The following NSMAF variants were observed in gnomAD, a reference collection of about 807,000 sequenced individuals.
The protein encoded by NSMAF is neutral sphingomyelinase activation associated factor.
Under a neutral mutation model 134.9 loss-of-function variants are expected in NSMAF, and 90 were observed. The observed-to-expected ratio is 0.67, with a 90% CI of 0.56 to 0.79. The LOEUF (loss-of-function observed/expected upper bound fraction) is 0.79. Ranked by LOEUF, NSMAF falls within the 30% of genes least tolerant of loss-of-function variation. The probability of loss-of-function intolerance (pLI) is 0.00; values close to 1 mark genes in which losing one functional copy is unlikely to be tolerated. For synonymous variants in NSMAF, 358 were observed against 389.6 expected, an observed-to-expected ratio of 0.92 and a Z score of 0.96; for missense variants, 1,010 against 1,119.0, an observed-to-expected ratio of 0.90 and a Z score of 1.39.
intron 16 of NSMAF, chr8:58,600,236 G>T (rs1254192583): frequency 3.6e-6 from 2 of 557,902 alleles, no homozygotes; most frequent in Non-Finnish European, 6.3e-6. Context: ...CACATGGCGG[G>T]AGTGGGCATA....
intron 18 of NSMAF, 115 bp downstream of exon 18, chr8:58,599,635 C>A: frequency 8.2e-7 from 1 of 1,212,604 alleles, no homozygotes; most frequent in South Asian, 1.5e-5. Context: ...CTCATATATC[C>A]TTATTTAGAG....
intron 7 of NSMAF, 28 bp from the exon 8 acceptor site, chr8:58,623,452 T>C (rs758154497): frequency 1.2e-6 from 2 of 1,604,628 alleles, no homozygotes. Flanking sequence ...GACATGAATT[T>C]ATTTTTTCTC....
Position 58,599,885 on chromosome 8 carries a change from G to A in NSMAF, c.1333-15C>T, listed in dbSNP as rs773637730. ...TCTGGAATTAACTGAAAGTTTCGGGGAAAAATAAAAAAGAACAACAAACAT... is the reference window on the plus strand; with the variant it reads ...TCTGGAATTAACTGAAAGTTTCGGGAAAAAATAAAAAAGAACAACAAACAT... On this transcript the variant is annotated splice_polypyrimidine_tract_variant and intron_variant, in intron 17 of 30. Transcript: ENST00000038176. The A allele has an allele frequency of 8.7e-6, 14 of 1,611,382 alleles. No homozygotes were observed. The South Asian group carries it at 1.5e-4, about 18-fold the overall frequency.
chr8:58,632,930 C>T (rs755259139), intron 5 of NSMAF, among the ~76,000 whole-genome samples: 2 of 152,204 alleles, frequency 1.3e-5, no homozygotes, highest in African/African-American at 2.4e-5. Context: ...ACCAATCCGT[C>T]AGCACATCTG....
In NSMAF at chr8:58,603,275, C is replaced by T. The variant is rs534981528; in HGVS notation, c.980G>A (p.Cys327Tyr). 1 of 1,614,208 alleles carries T rather than the reference C, an allele frequency of 6.2e-7. No homozygotes were observed. The highest frequency in any genetic ancestry group is 1.1e-5 in the South Asian group (1 of 91,082). Reference sequence around the variant, plus strand: ...CACAGGGTACTGGGAGAGGTCGTTGCAGCTGCGGTCGGCCAGGTTGTTGAG... The same window carrying T: ...CACAGGGTACTGGGAGAGGTCGTTGTAGCTGCGGTCGGCCAGGTTGTTGAG... ...LHLNNLADRSCNDLSQYPVFP... is the reference protein window; with the variant it reads ...LHLNNLADRSYNDLSQYPVFP... Residue 327 changes from cysteine (C) to tyrosine (Y), a missense_variant, in exon 13 of 31, where the codon TGC becomes TAC. Coordinates refer to ENST00000038176, the MANE Select transcript of NSMAF (RefSeq NM_003580.4).
intron 23 of NSMAF, 139 bp from the exon 24 acceptor site, chr8:58,591,073 G>A: frequency 3.0e-6 from 3 of 1,014,038 alleles, no homozygotes; most frequent in East Asian, 6.9e-5. Context: ...AAAACCGAAT[G>A]TAAACAGAGC....
chr8:58,659,372 G>A (rs761161500), intron 1 of NSMAF: 21 of 1,522,180 alleles, frequency 1.4e-5, no homozygotes, highest in Non-Finnish European at 1.8e-5. Flanking sequence ...GGCAGGCTCC[G>A]GCCCAGACCA....
At chr8:58,655,827 A>G (rs942510904) in intron 1 of NSMAF, among the ~76,000 whole-genome samples, 2 of 151,782 alleles carry the variant, frequency 1.3e-5, no homozygotes, top group Non-Finnish European at 2.9e-5. Context: ...GAATGGCGTG[A>G]ACCCGGGAGG....
chr8:58,587,689 C>T lies in NSMAF; in HGVS notation c.2224G>A (p.Val742Ile). ...WDSTVKVWSG[V>I]PAEMPGTKRH... is the part of the protein sequence containing the mutation. ...TTGGTGCCTGGCATCTCTGCAGGAA[C>T]ACCAGACCACACCTAGGATGGAACA... The change falls in exon 27 of 31, where the codon GTT becomes ATT. Residue 742 changes from valine (V) to isoleucine (I), a missense_variant. Transcript: ENST00000038176. 6.2e-7 allele frequency: 1 copy of T among 1,614,048 alleles called. No homozygotes were observed. The highest frequency in any genetic ancestry group is 8.5e-7 in the Non-Finnish European group (1 of 1,179,924).
rs1402198731 is a variant in NSMAF, at chr8:58,642,970, C to T, written c.149+14G>A. The T allele has an allele frequency of 2.8e-5, 44 of 1,594,722 alleles. No individual in the cohort carries two copies. The highest frequency in any genetic ancestry group is 4.5e-5 in the East Asian group (2 of 44,762). On this transcript the variant is annotated intron_variant, in intron 2 of 30. Coordinates refer to ENST00000038176, the MANE Select transcript of NSMAF (RefSeq NM_003580.4). ...AAGGTTTGTTTGTCCAAGGAGATAC[C>T]GAAGCTTCCTTACCTTTCATGGTGA...
In NSMAF at chr8:58,603,374, G is replaced by A. The variant is rs111319005; in HGVS notation, c.881C>T (p.Ala294Val). The A allele has an allele frequency of 1.5e-3, 2,416 of 1,613,654 alleles. 38 individuals are homozygous for A. In the African/African-American group the frequency reaches 0.029, roughly 19 times the overall value. ...YIATYLEHHV[A>V]EHTAESYMLQ... ...CATGTAGCTCTCAGCAGTGTGCTCCGCCACATGGTGCTCTGGGGGAAGAGG... is the reference window on the plus strand; with the variant it reads ...CATGTAGCTCTCAGCAGTGTGCTCCACCACATGGTGCTCTGGGGGAAGAGG... The change falls in exon 13 of 31, where the codon GCG becomes GTG. Residue 294 changes from alanine to valine, a missense_variant. By Grantham distance (64) the Ala-to-Val change is moderately conservative (BLOSUM62 0). Transcript: ENST00000038176.
At chr8:58,647,731 G>A (rs1347199920) in intron 1 of NSMAF, among the ~76,000 whole-genome samples, 2 of 152,294 alleles carry the variant, frequency 1.3e-5, no homozygotes, top group South Asian at 2.1e-4. Context: ...AGGCTTACCA[G>A]AAACCAAGCA....
At chr8:58,595,799 C>A in intron 21 of NSMAF, 140 bp from the exon 22 acceptor site, 1 of 611,802 alleles carries the variant, frequency 1.6e-6, no homozygotes, top group Non-Finnish European at 2.9e-6. Flanking sequence ...TTGAAATGTA[C>A]CTGTTAGATG....
At position 58,599,563 on chromosome 8, in the gene NSMAF, T is replaced by C. The variant is rs138858711; in HGVS notation, c.1453+187A>G. ...AGAATCATTTTCACATTAAGGTCTCTCAAATATATATTAATGTTTTTACAT... is the reference window on the plus strand; with the variant it reads ...AGAATCATTTTCACATTAAGGTCTCCCAAATATATATTAATGTTTTTACAT... On this transcript the variant is annotated intron_variant, in intron 18 of 30. Transcript: ENST00000038176. The C allele has an allele frequency of 3.4e-6, 3 of 882,202 alleles. No homozygotes were observed. In the African/African-American group the frequency reaches 5.1e-5, roughly 15 times the overall value. The allele number at this position is 882,202 out of a possible 1,614,324, so 54.6% of individuals were successfully genotyped here. A position where few individuals can be genotyped will look rare whatever the true frequency, so the allele number is the denominator to read the frequency against.
At chr8:58,613,849 A>G (rs1244311663) in intron 9 of NSMAF, among the ~76,000 whole-genome samples, 2 of 152,218 alleles carry the variant, frequency 1.3e-5, no homozygotes, top group African/African-American at 4.8e-5. Context: ...TAATCACAAA[A>G]TCTGAAATCT....
At chr8:58,646,772 T>C (rs1807464031) in intron 1 of NSMAF, among the ~76,000 whole-genome samples, 1 of 152,216 alleles carries the variant, frequency 6.6e-6, no homozygotes, top group Admixed American at 6.5e-5. Context: ...CGTTTTGTAA[T>C]TGGATGGTCT....
intron 6 of NSMAF, among the ~76,000 whole-genome samples, chr8:58,628,525 G>A (rs1461109884): frequency 6.6e-6 from 1 of 152,004 alleles, no homozygotes; most frequent in South Asian, 2.1e-4. Context: ...TTCTAGTTAT[G>A]GGGTTTTTAT....
chr8:58,631,289 C>CTT, intron 6 of NSMAF: 8 of 319,456 alleles, frequency 2.5e-5, no homozygotes, highest in South Asian at 8.1e-5. Flanking sequence ...TTTTTAGGCA[C>CTT]TTTTTTTTTT....
intron 21 of NSMAF, 69 bp downstream of exon 21, chr8:58,597,318 C>T: frequency 5.7e-6 from 8 of 1,411,440 alleles, no homozygotes; most frequent in South Asian, 2.5e-5. Context: ...CTTATCTCCT[C>T]TTCAGAAACA....
Sources: gnomAD v4.1 joint callset for allele counts (sites outside exome capture counted in the v4.1 genomes callset) on GRCh38, gnomAD v4.1.1 for gene constraint, MANE v1.5 for transcripts, NCBI Gene and HGNC (gene_info 2026-07-23, HGNC 2026-07-21) for gene names.